The following DGKH variants were observed in gnomAD, a reference collection of about 807,000 sequenced individuals.
DGKH encodes DAG kinase eta.
DGKH carries 90 observed loss-of-function variants against 159.3 expected under a neutral mutation model. That is an observed-to-expected ratio of 0.57 (90% CI 0.48 to 0.67). DGKH has a LOEUF of 0.67. DGKH is among the 30% of genes least tolerant of loss of function. The pLI is 0.00. For synonymous variants in DGKH, 536 were observed against 553.8 expected (o/e 0.97, Z 0.45); for missense variants, 1,181 against 1,506.1 (o/e 0.78, Z 3.57).
At position 42,065,381 on chromosome 13, in the gene DGKH, C is replaced by CT. The variant is rs536867463; in HGVS notation, c.192+16418dup. 1.5e-3 allele frequency among the ~76,000 whole-genome samples: 221 copies of CT among 152,236 alleles called. 7 individuals carry two copies. The South Asian group carries it at 0.044, about 31-fold the overall frequency. On this transcript the variant is annotated intron_variant, in intron 1 of 29. Transcript: ENST00000337343. Reference sequence around the variant, plus strand: ...TTCCCTTGGTAATAAACACTTCTACCTTATCATCATTCATGGATGTCACAA... The same window carrying CT: ...TTCCCTTGGTAATAAACACTTCTACCTTTATCATCATTCATGGATGTCACAA...
At chr13:42,142,279 T>C (rs559748944) in intron 3 of DGKH, among the ~76,000 whole-genome samples, 30 of 152,342 alleles carry the variant, frequency 2.0e-4, no homozygotes, top group African/African-American at 7.2e-4. Flanking sequence ...ACCAGTACCA[T>C]GCTGTTTTGG....
intron 1 of DGKH, among the ~76,000 whole-genome samples, chr13:42,097,505 T>C (rs941536958): frequency 2.6e-5 from 4 of 152,114 alleles, no homozygotes; most frequent in Admixed American, 6.5e-5. Context: ...TCTCTCAACT[T>C]TGTTAGATCC....
chr13:42,135,489 C>CACAAA (rs1223953901), intron 3 of DGKH, among the ~76,000 whole-genome samples: 4 of 50,988 alleles, frequency 7.8e-5, no homozygotes, highest in East Asian at 1.2e-3. Context: ...GACCCTGTCT[C>CACAAA]AGAAAAAAAA....
intron 1 of DGKH, among the ~76,000 whole-genome samples, chr13:42,073,428 A>G (rs1167633577): frequency 6.6e-6 from 1 of 152,236 alleles, no homozygotes; most frequent in Admixed American, 6.5e-5. Context: ...TGGCAAAAGC[A>G]ATACATATTT....
intron 1 of DGKH, chr13:42,069,409 A>G: frequency 3.9e-6 from 6 of 1,536,424 alleles, no homozygotes; most frequent in Non-Finnish European, 5.3e-6. Context: ...AAACTTTTCA[A>G]TTCTAGTTGG....
At chr13:42,167,258 G>A (rs1046991967) in intron 9 of DGKH, among the ~76,000 whole-genome samples, 2 of 152,168 alleles carry the variant, frequency 1.3e-5, no homozygotes, top group Non-Finnish European at 2.9e-5. Context: ...TTTAGGGTAT[G>A]CATATGATTT....
chr13:42,135,984 C>A (rs1056132756), intron 3 of DGKH, among the ~76,000 whole-genome samples: 1 of 152,200 alleles, frequency 6.6e-6, no homozygotes, highest in African/African-American at 2.4e-5. Flanking sequence ...GAAAGTCAAA[C>A]AGCCTGGGTT....
chr13:42,056,115 C>T (rs1297603720), intron 1 of DGKH, among the ~76,000 whole-genome samples: 5 of 152,126 alleles, frequency 3.3e-5, no homozygotes, highest in Non-Finnish European at 5.9e-5. Flanking sequence ...AATAAAGAAA[C>T]ATTTGTATTT....
rs1958243790 is a variant in DGKH at position 42,229,902 on chromosome 13, G to C, written c.*714G>C. On this transcript the variant is annotated 3_prime_UTR_variant, in exon 30 of 30. Transcript: ENST00000337343. ...TTGGTTAAGGGCACTGCACTTTTCT[G>C]TTTTTTAATGTGGGATTTTGCGTAA... is the stretch of plus-strand genomic sequence containing the variant. 6.6e-6 allele frequency: 1 copy of C among 152,158 alleles called. No homozygotes were observed. Among genetic ancestry groups the C allele is most frequent in the South Asian group, 2.1e-4 (1 of 4,828 alleles). 9.4% of individuals were successfully genotyped at this position (152,158 alleles called of 1,614,324 possible). A position where few individuals can be genotyped will look rare whatever the true frequency, so the allele number is the denominator to read the frequency against.
intron 1 of DGKH, among the ~76,000 whole-genome samples, chr13:42,094,404 A>AT (rs921999963): frequency 1.3e-5 from 2 of 152,136 alleles, no homozygotes; most frequent in African/African-American, 4.8e-5. Context: ...TTAAATATAC[A>AT]TTTTTTTCAA....
chr13:42,079,362 T>C (rs1234563007), intron 1 of DGKH, among the ~76,000 whole-genome samples: 5 of 152,136 alleles, frequency 3.3e-5, no homozygotes, highest in African/African-American at 1.2e-4. Flanking sequence ...CATGCACAGA[T>C]TGCATAGTGA....
intron 29 of DGKH, among the ~76,000 whole-genome samples, chr13:42,226,748 T>C (rs186598207): frequency 2.0e-4 from 31 of 151,988 alleles, no homozygotes; most frequent in African/African-American, 7.2e-4. Flanking sequence ...TCCCAGCTAC[T>C]TGAGAGGCTG....
Position 42,206,163 on chromosome 13 carries a change from A to T in DGKH, c.2601+17A>T. Reference sequence around the variant, plus strand: ...GAGGATGATGTAAGTAATGGGAGTAAATAGTTTGTTTCCTCAAAAATAATT... The same window carrying T: ...GAGGATGATGTAAGTAATGGGAGTATATAGTTTGTTTCCTCAAAAATAATT... On this transcript the variant is annotated intron_variant, in intron 21 of 29. Coordinates refer to ENST00000337343, the MANE Select transcript of DGKH (RefSeq NM_178009.5). 7.3e-7 allele frequency: 1 copy of T among 1,364,614 alleles called. No homozygotes were observed. 84.5% of individuals were successfully genotyped at this position (1,364,614 alleles called of 1,614,324 possible). A position where few individuals can be genotyped will look rare whatever the true frequency, so the allele number is the denominator to read the frequency against.
At chr13:42,072,036 G>C (rs1338930600) in intron 1 of DGKH, among the ~76,000 whole-genome samples, 4 of 152,082 alleles carry the variant, frequency 2.6e-5, no homozygotes, top group Non-Finnish European at 5.9e-5. Flanking sequence ...TTCCCAAGAT[G>C]GTCTTTAAAA....
rs1293859797 is a variant in DGKH at position 42,233,187 on chromosome 13, C to T, written c.*3999C>T. ...TTTCTCAGTTGCACTAACTACATTT[C>T]AAGTGTTCAGTAACCATAGTGGACA... On this transcript the variant is annotated 3_prime_UTR_variant, in exon 30 of 30. Coordinates refer to ENST00000337343, the MANE Select transcript of DGKH (RefSeq NM_178009.5). The T allele has an allele frequency of 6.6e-6, 1 of 152,208 alleles. No individual in the cohort carries two copies. Among genetic ancestry groups the T allele is most frequent in the East Asian group, 1.9e-4 (1 of 5,194 alleles). The allele number at this position is 152,208 out of a possible 1,614,324, so 9.4% of individuals were successfully genotyped here.
At chr13:42,097,041 G>A (rs911790845) in intron 1 of DGKH, among the ~76,000 whole-genome samples, 2 of 152,138 alleles carry the variant, frequency 1.3e-5, no homozygotes, top group African/African-American at 4.8e-5. Flanking sequence ...TTACAAGCTG[G>A]ATCTTTGTAT....
intron 3 of DGKH, among the ~76,000 whole-genome samples, chr13:42,152,929 G>A (rs1248625363): frequency 2.6e-5 from 4 of 152,202 alleles, no homozygotes; most frequent in East Asian, 3.9e-4. Context: ...CCAGCCCCAC[G>A]GTAGCATCTG....
upstream of DGKH, among the ~76,000 whole-genome samples, chr13:42,047,494 A>C (rs1031242188): frequency 2.0e-5 from 3 of 152,250 alleles, no homozygotes; most frequent in African/African-American, 7.2e-5. Flanking sequence ...CTATTTAAAA[A>C]TATAGCTAAC....
rs746598340 is a variant in DGKH, at chr13:42,129,537, T to G, written c.304-15T>G. 7 of 1,602,622 alleles carry G rather than the reference T, an allele frequency of 4.4e-6. No homozygotes were observed. Among genetic ancestry groups the G allele is most frequent in the Non-Finnish European group, 6.0e-6 (7 of 1,171,936 alleles). ...TTTTCTTCTAATGTCTTTGTATGTT[T>G]TTTTTCATTAACAGTCTCTGATATT... is the stretch of plus-strand genomic sequence containing the variant. On this transcript the variant is annotated splice_polypyrimidine_tract_variant and intron_variant, in intron 2 of 29. Coordinates refer to ENST00000337343, the MANE Select transcript of DGKH (RefSeq NM_178009.5).
Sources: gnomAD v4.1 joint callset for allele counts (sites outside exome capture counted in the v4.1 genomes callset) on GRCh38, gnomAD v4.1.1 for gene constraint, MANE v1.5 for transcripts, NCBI Gene and HGNC (gene_info 2026-07-23, HGNC 2026-07-21) for gene names.